Variants in TRPS1 observed in about 807,000 individuals in gnomAD.
The protein encoded by TRPS1 is zinc finger transcription factor Trps1.
In TRPS1, 6 loss-of-function variants were observed where a neutral mutation model predicts 101.2. That is an observed-to-expected ratio of 0.06 (90% CI 0.03 to 0.12). TRPS1 has a LOEUF of 0.12. Ranked by LOEUF, TRPS1 falls within the 10% of genes least tolerant of loss-of-function variation. TRPS1 has a pLI of 1.00. For missense variants in TRPS1, 1,363 were observed against 1,567.0 expected, an observed-to-expected ratio of 0.87 and a Z score of 2.20; for synonymous variants, 578 against 589.8, an observed-to-expected ratio of 0.98 and a Z score of 0.29.
At chr8:115,633,030 G>A (rs1008243414) in intron 1 of TRPS1, among the ~76,000 whole-genome samples, 1 of 152,024 alleles carries the variant, frequency 6.6e-6, no homozygotes, top group African/African-American at 2.4e-5. Flanking sequence ...TCTGCAGAGA[G>A]CATGGAGTAA....
chr8:115,568,227 A>G (rs2130387466), intron 5 of TRPS1, among the ~76,000 whole-genome samples: 1 of 152,284 alleles, frequency 6.6e-6, no homozygotes, highest in Non-Finnish European at 1.5e-5. Context: ...ATTAATCTGA[A>G]TAATAAAAAT....
intron 5 of TRPS1, among the ~76,000 whole-genome samples, chr8:115,478,348 T>G (rs1000198145): frequency 6.6e-6 from 1 of 152,166 alleles, no homozygotes; most frequent in African/African-American, 2.4e-5. Context: ...ATAACTCAAT[T>G]TTTTCAAAAA....
At chr8:115,655,231 AC>A (rs1811651306) in intron 1 of TRPS1, among the ~76,000 whole-genome samples, 1 of 152,190 alleles carries the variant, frequency 6.6e-6, no homozygotes, top group South Asian at 2.1e-4. Context: ...AAGAAGTAAA[AC>A]CAAACTTGAA....
At chr8:115,463,351 G>A (rs2129982903) in intron 5 of TRPS1, among the ~76,000 whole-genome samples, 1 of 152,240 alleles carries the variant, frequency 6.6e-6, no homozygotes, top group Non-Finnish European at 1.5e-5. Flanking sequence ...GAAAAGAAAT[G>A]TTCACCCTTT....
In TRPS1 at chr8:115,604,860, G is replaced by A. The variant is rs1290108567; in HGVS notation, c.1109C>T (p.Thr370Ile). The A allele has an allele frequency of 3.7e-6, 6 of 1,614,080 alleles. No individual in the cohort carries two copies. Among genetic ancestry groups the A allele is most frequent in the Non-Finnish European group, 2.5e-6 (3 of 1,179,994 alleles). The change falls in exon 4 of 7, where the codon ACT (threonine) becomes ATT (isoleucine). Residue 370 changes from threonine (T) to isoleucine (I), a missense_variant. By Grantham distance (89) the Thr-to-Ile change is moderately conservative (BLOSUM62 -1). Around this residue, in one of 5 missense-constraint regions of TRPS1, gnomAD observed 1,020 missense variants for 1,073.0 expected, o/e 0.95. Transcript: ENST00000395715. The surrounding 1 kb of genome is among the most constrained non-coding windows in gnomAD (Gnocchi z 4.1). ...AGAAGCTTTTATTTTGTTTGGGTGAGTCTGAAGAAAATGTTGTTCTAATTC... is the reference window on the plus strand; with the variant it reads ...AGAAGCTTTTATTTTGTTTGGGTGAATCTGAAGAAAATGTTGTTCTAATTC... ...STELEQHFLQ[T>I]HPNKIKASLP...
chr8:115,577,864 C>T lies in TRPS1; in HGVS notation c.2700+9137G>A, dbSNP rs1265226948. On this transcript the variant is annotated intron_variant, in intron 5 of 6. Transcript: ENST00000395715. ...AAGCCCATGCCATTACCCACACATG[C>T]GACATACATCGGGGGAAGGCGAAAA... Among the ~76,000 whole-genome samples the T allele has an allele frequency of 5.9e-5, 9 of 152,144 alleles. 1 individual carries two copies. Among genetic ancestry groups the T allele is most frequent in the Admixed American group, 3.9e-4 (6 of 15,270 alleles).
rs11778934 is a variant in TRPS1 at position 115,539,178 on chromosome 8, C to A, written c.2700+47823G>T. 2.0e-5 allele frequency among the ~76,000 whole-genome samples: 3 copies of A among 151,948 alleles called. No individual in the cohort carries two copies. The South Asian group carries it at 6.2e-4, about 31-fold the overall frequency. ...TATAAGGAATAAGAAGCAAAGAACC[C>A]TTCCCTAGGCTAGTGCAGGAGACCT... On this transcript the variant is annotated intron_variant, in intron 5 of 6. Transcript: ENST00000395715.
At chr8:115,651,403 T>C (rs1331980166) in intron 1 of TRPS1, among the ~76,000 whole-genome samples, 1 of 152,194 alleles carries the variant, frequency 6.6e-6, no homozygotes, top group Non-Finnish European at 1.5e-5. Context: ...CTAGAACTTA[T>C]GCAATACCAG....
intron 5 of TRPS1, among the ~76,000 whole-genome samples, chr8:115,573,039 G>A (rs958228384): frequency 3.3e-5 from 5 of 151,922 alleles, no homozygotes; most frequent in Non-Finnish European, 5.9e-5. Context: ...CAGGAGAGTC[G>A]CTTGAACCCA....
At chr8:115,417,456 G>A (rs1812949063) in intron 6 of TRPS1, among the ~76,000 whole-genome samples, 1 of 151,920 alleles carries the variant, frequency 6.6e-6, no homozygotes, top group South Asian at 2.1e-4. Context: ...ATGGTAAAAC[G>A]CCAAACGAAA....
intron 5 of TRPS1, among the ~76,000 whole-genome samples, chr8:115,429,619 A>T (rs1261829702): frequency 2.6e-5 from 4 of 152,200 alleles, no homozygotes; most frequent in Non-Finnish European, 5.9e-5. Context: ...GACATTTTGT[A>T]CATCGAGCAG....
chr8:115,533,365 G>T (rs889111145), intron 5 of TRPS1, among the ~76,000 whole-genome samples: 1 of 146,914 alleles, frequency 6.8e-6, no homozygotes, highest in Non-Finnish European at 1.5e-5. Flanking sequence ...GCCACACAGG[G>T]AGTACCTATA....
intron 1 of TRPS1, among the ~76,000 whole-genome samples, chr8:115,662,026 C>T (rs190991201): frequency 4.6e-5 from 7 of 152,116 alleles, no homozygotes; most frequent in Non-Finnish European, 1.0e-4. Flanking sequence ...CTCCAAGAAA[C>T]TTGCACTATG....
At chr8:115,616,030 G>C (rs1818269603) in intron 3 of TRPS1, among the ~76,000 whole-genome samples, 1 of 152,098 alleles carries the variant, frequency 6.6e-6, no homozygotes, top group Non-Finnish European at 1.5e-5. Context: ...AGCTTCTCTT[G>C]TTTTCTTGGT....
intron 5 of TRPS1, among the ~76,000 whole-genome samples, chr8:115,501,770 C>T (rs1456012708): frequency 2.0e-5 from 3 of 152,162 alleles, no homozygotes; most frequent in Admixed American, 6.5e-5. Context: ...TCTTCACCAA[C>T]TCTGGGTAAC....
In TRPS1 at chr8:115,508,884, T is replaced by C. The variant is rs188275856; in HGVS notation, c.2700+78117A>G. Among the ~76,000 whole-genome samples, 78 of 152,066 alleles carry C rather than the reference T, an allele frequency of 5.1e-4. No individual in the cohort carries two copies. The East Asian group carries it at 0.015, about 28-fold the overall frequency. On this transcript the variant is annotated intron_variant, in intron 5 of 6. Transcript: ENST00000395715. Reference sequence around the variant, plus strand: ...ACTTTCCCTGGGGGTACTTAAGACTTTGGGGCATCTTTCTGCATACCCTGG... The same window carrying C: ...ACTTTCCCTGGGGGTACTTAAGACTCTGGGGCATCTTTCTGCATACCCTGG...
intron 5 of TRPS1, among the ~76,000 whole-genome samples, chr8:115,467,246 T>A (rs576210605): frequency 6.6e-6 from 1 of 152,148 alleles, no homozygotes; most frequent in African/African-American, 2.4e-5. Context: ...AGTGGCAGTG[T>A]CCTTTTCCTT....
intron 1 of TRPS1, among the ~76,000 whole-genome samples, chr8:115,637,721 T>TA (rs1818802662): frequency 6.6e-6 from 1 of 152,268 alleles, no homozygotes; most frequent in South Asian, 2.1e-4. Context: ...CATAAATGAG[T>TA]AGGTGCTGCT....
At position 115,604,753 on chromosome 8, in the gene TRPS1, C is replaced by T; in HGVS notation, c.1216G>A (p.Asp406Asn). The T allele has an allele frequency of 6.2e-7, 1 of 1,613,868 alleles. No individual in the cohort carries two copies. Among genetic ancestry groups the T allele is most frequent in the Non-Finnish European group, 8.5e-7 (1 of 1,179,932 alleles). Residue 406 changes from aspartate to asparagine, a missense_variant, in exon 4 of 7, where the codon GAC (aspartate) becomes AAC (asparagine). Asp to Asn is a conservative substitution (Grantham distance 23). This residue lies in a region of TRPS1 where 1,020 missense variants were observed against 1,073.0 expected (regional missense o/e 0.95). Coordinates refer to ENST00000395715, the MANE Select transcript of TRPS1 (RefSeq NM_014112.5). This position sits in a 1 kb window ranked among gnomAD's most constrained non-coding sequence, Gnocchi z 4.1. Reference sequence around the variant, plus strand: ...ATCTTGTCCTGCCATTTTCCCAAGTCTCCAGAATCACTGGATTGAAGTGCA... The same window carrying T: ...ATCTTGTCCTGCCATTTTCCCAAGTTTCCAGAATCACTGGATTGAAGTGCA... ...IPALQSSDSG[D>N]LGKWQDKITV...
Sources: gnomAD v4.1 joint callset for allele counts (sites outside exome capture counted in the v4.1 genomes callset) on GRCh38, gnomAD v4.1.1 for gene constraint, gnomAD v4.1.1 regional missense constraint, Gnocchi (gnomAD v3.1) non-coding constraint, MANE v1.5 for transcripts, NCBI Gene and HGNC (gene_info 2026-07-23, HGNC 2026-07-21) for gene names.